FRMPD4: variants seen among roughly 807,000 people sequenced by gnomAD.
FRMPD4 encodes the protein FERM and PDZ domain-containing protein 4.
In FRMPD4, 22 loss-of-function variants were observed where a neutral mutation model predicts 94.1. That is an observed-to-expected ratio of 0.23 (90% CI 0.17 to 0.33). FRMPD4 has a LOEUF of 0.33. FRMPD4 is among the 10% of genes least tolerant of loss of function. The pLI is 1.00. For synonymous variants in FRMPD4, 631 were observed against 548.6 expected (o/e 1.15, Z -2.10); for missense variants, 1,111 against 1,339.9 (o/e 0.83, Z 2.67).
intron 3 of FRMPD4, among the ~76,000 whole-genome samples, chrX:12,100,303 G>A (rs2055244526): frequency 1.8e-5 from 2 of 112,117 alleles, no homozygotes; most frequent in South Asian, 7.4e-4. Flanking sequence ...CATTTAATGA[G>A]TAAGTACCTA....
At chrX:12,654,023 G>A (rs1464508006) in intron 4 of FRMPD4, among the ~76,000 whole-genome samples, 4 of 111,701 alleles carry the variant, frequency 3.6e-5, no homozygotes, top group African/African-American at 1.3e-4. Flanking sequence ...TGCCCACCTC[G>A]GCCTCCCAAA....
At chrX:12,296,930 C>T (rs1322775262) in intron 1 of FRMPD4, among the ~76,000 whole-genome samples, 1 of 112,419 alleles carries the variant, frequency 8.9e-6, no homozygotes, top group African/African-American at 3.2e-5. Context: ...TGCCCCTTGG[C>T]AGGACAGGTG....
At chrX:12,479,401 T>TACACATATATATACATATAA (rs2057647083) in intron 1 of FRMPD4, among the ~76,000 whole-genome samples, 4 of 98,600 alleles carry the variant, frequency 4.1e-5, no homozygotes, top group Non-Finnish European at 8.1e-5. Context: ...TATACATATA[T>TACACATATATATACATATAA]ACACATATAT....
At chrX:12,285,320 T>A (rs2054584806) in intron 1 of FRMPD4, among the ~76,000 whole-genome samples, 1 of 112,029 alleles carries the variant, frequency 8.9e-6, no homozygotes, top group African/African-American at 3.2e-5. Flanking sequence ...AATGTAATAT[T>A]TGCTAACAAA....
At chrX:12,109,542 A>G (rs370265086) in intron 3 of FRMPD4, among the ~76,000 whole-genome samples, 19 of 111,858 alleles carry the variant, frequency 1.7e-4, no homozygotes, top group African/African-American at 5.5e-4. Context: ...ACACATTGAA[A>G]AGCTAGCAGA....
At chrX:12,164,875 C>T (rs375745878) in intron 1 of FRMPD4, among the ~76,000 whole-genome samples, 50 of 111,823 alleles carry the variant, frequency 4.5e-4, no homozygotes, top group South Asian at 3.7e-3. Flanking sequence ...TCATATCCTT[C>T]GCCCACTTTT....
Position 12,718,393 on chromosome X carries a change from C to G in FRMPD4, c.3567C>G (p.Arg1189=), listed in dbSNP as rs146036306. 19 of 1,210,189 alleles carry G rather than the reference C, an allele frequency of 1.6e-5. No individual in the cohort carries two copies. The African/African-American group carries it at 3.3e-4, about 21-fold the overall frequency. The stretch of plus-strand genomic sequence containing the variant: ...CTGAGGCTGATGAGAGTGTGGCCCG[C>G]CTTTGTGACTACCACTTGGCCAAGC... The part of the protein sequence containing the change: ...KLPEADESVA[R]LCDYHLAKRM... The change falls in exon 16 of 17, where the codon CGC becomes CGG. Residue 1189 remains arginine, a synonymous_variant. Coordinates refer to ENST00000675598, the MANE Select transcript of FRMPD4 (RefSeq NM_001368397.1).
At chrX:12,379,031 C>A (rs957826616) in intron 1 of FRMPD4, among the ~76,000 whole-genome samples, 9 of 111,776 alleles carry the variant, frequency 8.1e-5, no homozygotes, top group Admixed American at 5.7e-4. Context: ...TTCAGAGACA[C>A]AAAAAACCCT....
At chrX:12,264,056 G>T (rs1005881312) in intron 1 of FRMPD4, among the ~76,000 whole-genome samples, 1 of 111,260 alleles carries the variant, frequency 9.0e-6, no homozygotes. Context: ...CGTGCTTTTG[G>T]GGGGGACACA....
At chrX:12,211,936 T>C (rs947738104) in intron 1 of FRMPD4, among the ~76,000 whole-genome samples, 3 of 112,089 alleles carry the variant, frequency 2.7e-5, no homozygotes, top group African/African-American at 6.5e-5. Context: ...ATAACATATA[T>C]TCTTCATAAA....
At chrX:12,702,155 A>C (rs2041797910) in intron 10 of FRMPD4, 145 bp downstream of exon 10, 1 of 524,689 alleles carries the variant, frequency 1.9e-6, no homozygotes. Context: ...TATCATGCTC[A>C]TTTCTGGCAG....
chrX:11,871,642 C>A (rs1199451797), intron 2 of FRMPD4, among the ~76,000 whole-genome samples: 2 of 111,992 alleles, frequency 1.8e-5, no homozygotes, highest in Non-Finnish European at 3.8e-5. Context: ...TGTTGGAGGG[C>A]ATTGAGCATT....
chrX:12,665,097 CTTCT>C (rs1321980898), intron 4 of FRMPD4, among the ~76,000 whole-genome samples: 3 of 110,556 alleles, frequency 2.7e-5, no homozygotes, highest in Non-Finnish European at 5.7e-5. Flanking sequence ...TCTCTCTTTT[CTTCT>C]TTATTAGTCT....
intron 1 of FRMPD4, among the ~76,000 whole-genome samples, chrX:12,361,699 A>G (rs1297873922): frequency 8.9e-6 from 1 of 112,195 alleles, no homozygotes; most frequent in East Asian, 2.8e-4. Context: ...ATTTCAGAGT[A>G]TATTAGGGCT....
intron 1 of FRMPD4, among the ~76,000 whole-genome samples, chrX:12,409,581 C>G (rs1474893111): frequency 9.0e-6 from 1 of 111,506 alleles, no homozygotes; most frequent in African/African-American, 3.3e-5. Flanking sequence ...GAAATTTACC[C>G]CTATGAGATT....
At chrX:11,960,941 C>A (rs1057294772) in intron 3 of FRMPD4, among the ~76,000 whole-genome samples, 1 of 112,042 alleles carries the variant, frequency 8.9e-6, no homozygotes, top group Non-Finnish European at 1.9e-5. Flanking sequence ...TGATTATCTG[C>A]GTATAACCAG....
At chrX:12,394,832 C>A (rs897739123) in intron 1 of FRMPD4, among the ~76,000 whole-genome samples, 1 of 111,928 alleles carries the variant, frequency 8.9e-6, no homozygotes, top group African/African-American at 3.2e-5. Context: ...TGATCTGCAA[C>A]AGATATGGAG....
chrX:12,536,390 AAGGTTTTTATCCTGACACAAATTTT>A (rs2058339739), intron 2 of FRMPD4, among the ~76,000 whole-genome samples: 1 of 111,206 alleles, frequency 9.0e-6, no homozygotes, highest in Non-Finnish European at 1.9e-5. Flanking sequence ...CACAGGACAA[AAGGTTTTTATCCTGACACAAATTTT>A]AGGCATCATT....
At chrX:12,448,151 GA>G (rs2057222567) in intron 1 of FRMPD4, among the ~76,000 whole-genome samples, 1 of 111,789 alleles carries the variant, frequency 8.9e-6, no homozygotes, top group South Asian at 3.8e-4. Context: ...CAGTCAAAGT[GA>G]AAACATTTTG....
Sources: allele counts gnomAD v4.1 joint callset (sites outside exome capture counted in the v4.1 genomes callset), GRCh38; gene constraint gnomAD v4.1.1; transcripts MANE v1.5; gene names NCBI Gene and HGNC (gene_info 2026-07-23, HGNC 2026-07-21).